GPR20: variants seen among roughly 807,000 people sequenced by gnomAD.
GPR20 encodes the protein CTD-3064M3.3.
For synonymous variants in GPR20, 241 were observed against 241.9 expected, an observed-to-expected ratio of 1.00 and a Z score of 0.04; for missense variants, 494 against 527.4, an observed-to-expected ratio of 0.94 and a Z score of 0.62.
Position 141,357,840 on chromosome 8 carries a change from G to C in GPR20, c.84C>G (p.Ser28Arg). 2.5e-6 allele frequency: 4 copies of C among 1,612,860 alleles called. No homozygotes were observed. Among genetic ancestry groups the C allele is most frequent in the Non-Finnish European group, 3.4e-6 (4 of 1,179,728 alleles). The change falls in exon 2 of 2, where the codon AGC becomes AGG. Residue 28 changes from serine (S) to arginine (R), a missense_variant. Transcript: ENST00000377741. Reference sequence around the variant, plus strand: ...GGTGGAACAGGGGCACCTCCAGCCCGCTGGCATTGGTCCGCACTGTTGTCA... The same window carrying C: ...GGTGGAACAGGGGCACCTCCAGCCCCCTGGCATTGGTCCGCACTGTTGTCA... ...TAVTTVRTNA[S>R]GLEVPLFHLF...
chr8:141,356,850 A>T lies in GPR20; in HGVS notation c.1074T>A (p.Ala358=), dbSNP rs1350498102. The T allele has an allele frequency of 6.3e-7, 1 of 1,584,816 alleles. No individual in the cohort carries two copies. Among genetic ancestry groups the T allele is most frequent in the South Asian group, 1.1e-5 (1 of 89,000 alleles). ...GCCCCTGGCAGAGCCCTGCTGACTAAGCCTCGGGCCCATTAGCCAGGGCCT... is the reference window on the plus strand; with the variant it reads ...GCCCCTGGCAGAGCCCTGCTGACTATGCCTCGGGCCCATTAGCCAGGGCCT... The part of the protein sequence containing the change: ...LTQALANGPE[A] The change falls in exon 2 of 2, where the codon GCT becomes GCA. Residue 358 remains alanine, a synonymous_variant. Transcript: ENST00000377741.
chr8:141,361,514 A>G (rs1831733627), intron 1 of GPR20, among the ~76,000 whole-genome samples: 1 of 152,170 alleles, frequency 6.6e-6, no homozygotes, highest in Non-Finnish European at 1.5e-5. Flanking sequence ...AGGGGCTCAG[A>G]CACAGGAAGT....
At position 141,356,993 on chromosome 8, in the gene GPR20, G is replaced by T; in HGVS notation, c.931C>A (p.Leu311Ile). Residue 311 changes from leucine to isoleucine, a missense_variant, in exon 2 of 2, where the codon CTC (leucine) becomes ATC (isoleucine). Leu to Ile is a conservative substitution (Grantham distance 5, BLOSUM62 2). Transcript: ENST00000377741. ...TCACGCTCTCCGTGCTGGCCGAAGA[G>T]GCCTCGGACGGTGGCCTGGAAGCCA... ...TSGFQATVRGLFGQHGEREPS... is the reference protein window; with the variant it reads ...TSGFQATVRGIFGQHGEREPS... 2 of 1,613,140 alleles carry T rather than the reference G, an allele frequency of 1.2e-6. No homozygotes were observed. Among genetic ancestry groups the T allele is most frequent in the Non-Finnish European group, 1.7e-6 (2 of 1,179,924 alleles).
rs369513704 is a variant in GPR20, at chr8:141,357,906, T to C, written c.18A>G (p.Pro6=). The stretch of plus-strand genomic sequence containing the variant: ...GGACTGCCCCGGCCGAGGGCCCCGC[T>C]GGAGACACAGAGGGCATGACGGCAG... MPSVS[P]AGPSAGAVPN... is the part of the protein sequence containing the mutation. The change falls in exon 2 of 2, where the codon CCA becomes CCG. Residue 6 remains proline, a synonymous_variant. Transcript: ENST00000377741. The C allele has an allele frequency of 1.3e-6, 2 of 1,568,224 alleles. No individual in the cohort carries two copies. Among genetic ancestry groups the C allele is most frequent in the Non-Finnish European group, 1.7e-6 (2 of 1,154,014 alleles).
intron 1 of GPR20, among the ~76,000 whole-genome samples, chr8:141,362,179 A>G (rs1021684241): frequency 2.6e-5 from 4 of 152,176 alleles, no homozygotes; most frequent in African/African-American, 4.8e-5. Context: ...CCCAACCCCA[A>G]GCTGTTCCTG....
rs375656717 is a variant in GPR20 at position 141,357,226 on chromosome 8, C to T, written c.698G>A (p.Arg233His). The change falls in exon 2 of 2, where the codon CGC becomes CAC. Residue 233 changes from arginine (R) to histidine (H), a missense_variant. Coordinates refer to ENST00000377741, the MANE Select transcript of GPR20 (RefSeq NM_005293.3). ...CTGCATGGCCCGCACGCGGCGCTGG[C>T]GACCCTGGTGGAGCAGACCCGGCCG... is the stretch of plus-strand genomic sequence containing the variant. Reference protein sequence around the residue: ...LSRPGLLHQGRQRRVRAMQLL... With the variant: ...LSRPGLLHQGHQRRVRAMQLL... The T allele has an allele frequency of 4.2e-5, 66 of 1,557,782 alleles. No individual in the cohort carries two copies. The African/African-American group carries it at 7.9e-4, about 19-fold the overall frequency.
intron 1 of GPR20, among the ~76,000 whole-genome samples, chr8:141,363,006 G>A (rs1018555146): frequency 4.6e-5 from 7 of 151,948 alleles, no homozygotes; most frequent in African/African-American, 1.7e-4. Flanking sequence ...GCCCACCTTG[G>A]CCTCCCAAAC....
At chr8:141,365,349 C>T (rs1005432406) in intron 1 of GPR20, among the ~76,000 whole-genome samples, 4 of 152,216 alleles carry the variant, frequency 2.6e-5, no homozygotes, top group Non-Finnish European at 4.4e-5. Context: ...GTCATGTGTC[C>T]GGGCTCACCC....
At chr8:141,360,259 T>C (rs559033163) in intron 1 of GPR20, among the ~76,000 whole-genome samples, 2 of 152,324 alleles carry the variant, frequency 1.3e-5, no homozygotes, top group South Asian at 4.1e-4. Context: ...CAAACAAAGC[T>C]GAACCCTCAT....
chr8:141,359,525 A>AC (rs940124620), intron 1 of GPR20, among the ~76,000 whole-genome samples: 2 of 151,590 alleles, frequency 1.3e-5, no homozygotes, highest in African/African-American at 4.9e-5. Context: ...CCCTCCTGCC[A>AC]CCCCCACCAC....
At chr8:141,365,128 C>T (rs1215327315) in intron 1 of GPR20, among the ~76,000 whole-genome samples, 1 of 152,218 alleles carries the variant, frequency 6.6e-6, no homozygotes, top group Non-Finnish European at 1.5e-5. Flanking sequence ...CGGGCACCCA[C>T]AGTCATTGTT....
rs370701227 is a variant in GPR20, at chr8:141,356,979, G to A, written c.945C>T (p.His315=). ...CACCGCTGCTGGGCTCACGCTCTCCGTGCTGGCCGAAGAGGCCTCGGACGG... is the reference window on the plus strand; with the variant it reads ...CACCGCTGCTGGGCTCACGCTCTCCATGCTGGCCGAAGAGGCCTCGGACGG... The part of the protein sequence containing the change: ...QATVRGLFGQ[H]GEREPSSGDV... The change falls in exon 2 of 2, where the codon CAC becomes CAT. Residue 315 remains histidine, a synonymous_variant. Coordinates refer to ENST00000377741, the MANE Select transcript of GPR20 (RefSeq NM_005293.3). 51 of 1,613,052 alleles carry A rather than the reference G, an allele frequency of 3.2e-5. No homozygotes were observed. The highest frequency in any genetic ancestry group is 6.7e-5 in the African/African-American group (5 of 74,960).
Position 141,356,958 on chromosome 8 carries a change from GCTGCTGGGCT to G in GPR20, c.956_965del (p.Glu319AlafsTer91), listed in dbSNP as rs772485332. 4 of 1,612,898 alleles carry G rather than the reference GCTGCTGGGCT, an allele frequency of 2.5e-6. No homozygotes were observed. Among genetic ancestry groups the G allele is most frequent in the Non-Finnish European group, 3.4e-6 (4 of 1,179,972 alleles). On this transcript the variant is annotated frameshift_variant, in exon 2 of 2. Coordinates refer to ENST00000377741, the MANE Select transcript of GPR20 (RefSeq NM_005293.3). LOFTEE classifies it low-confidence loss of function (END_TRUNC). ...TCCTGTGCATGCTGACCACGTCACCGCTGCTGGGCTCACGCTCTCCGTGCTGGCCGAAGAG... is the reference window on the plus strand; with the variant it reads ...TCCTGTGCATGCTGACCACGTCACCGCACGCTCTCCGTGCTGGCCGAAGAG...
rs922679519 is a variant in GPR20 at position 141,356,503 on chromosome 8, A to G, written c.*344T>C. Reference sequence around the variant, plus strand: ...TTTTTCTTTTTCATCTCATCCTTCTAATCAATGGAATCCACTGTGCCCTTT... The same window carrying G: ...TTTTTCTTTTTCATCTCATCCTTCTGATCAATGGAATCCACTGTGCCCTTT... On this transcript the variant is annotated 3_prime_UTR_variant, in exon 2 of 2. Transcript: ENST00000377741. The G allele has an allele frequency of 5.4e-5, 18 of 334,446 alleles. No homozygotes were observed. In the East Asian group the frequency reaches 8.3e-4, roughly 15 times the overall value. The allele number at this position is 334,446 out of a possible 1,614,324, so 20.7% of individuals were successfully genotyped here. A position where few individuals can be genotyped will look rare whatever the true frequency, so the allele number is the denominator to read the frequency against.
chr8:141,362,632 A>T (rs750014772), intron 1 of GPR20, among the ~76,000 whole-genome samples: 1 of 151,702 alleles, frequency 6.6e-6, no homozygotes, highest in African/African-American at 2.4e-5. Flanking sequence ...ATTGGCTTCC[A>T]CCCCCAGCCC....
Position 141,356,866 on chromosome 8 carries a change from G to T in GPR20, c.1058C>A (p.Ala353Asp), listed in dbSNP as rs753147738. Residue 353 changes from alanine to aspartate, a missense_variant, in exon 2 of 2, where the codon GCT (alanine) becomes GAT (aspartate). Ala to Asp is a moderately radical substitution (Grantham distance 126). Transcript: ENST00000377741. ...TGCTGACTAAGCCTCGGGCCCATTA[G>T]CCAGGGCCTGGGTGAGGGCGTGAGG... is the stretch of plus-strand genomic sequence containing the variant. ...AGPHALTQALANGPEA is the reference protein window; with the variant it reads ...AGPHALTQALDNGPEA 1 of 1,599,464 alleles carries T rather than the reference G, an allele frequency of 6.3e-7. No homozygotes were observed. Among genetic ancestry groups the T allele is most frequent in the Non-Finnish European group, 8.5e-7 (1 of 1,170,456 alleles).
intron 1 of GPR20, among the ~76,000 whole-genome samples, chr8:141,366,045 C>G (rs78731019): frequency 6.6e-6 from 1 of 152,192 alleles, no homozygotes; most frequent in Non-Finnish European, 1.5e-5. Context: ...TCTCCTTGAG[C>G]CTCAGTTTCC....
At chr8:141,358,373 T>A (rs1325844566) in intron 1 of GPR20, among the ~76,000 whole-genome samples, 1 of 152,220 alleles carries the variant, frequency 6.6e-6, no homozygotes, top group East Asian at 1.9e-4. Flanking sequence ...CTGACTAGTG[T>A]GCTTGCTCGG....
At position 141,357,157 on chromosome 8, in the gene GPR20, G is replaced by C. The variant is rs750375389; in HGVS notation, c.767C>G (p.Pro256Arg). ...VLIIFLVCFTPFHARQVAVAL... is the reference protein window; with the variant it reads ...VLIIFLVCFTRFHARQVAVAL... ...CACGGCCACTTGGCGGGCGTGGAAG[G>C]GCGTGAAGCAGACGAGAAAGATGAT... Residue 256 changes from proline to arginine, a missense_variant, in exon 2 of 2, where the codon CCC (proline) becomes CGC (arginine). By Grantham distance (103) the Pro-to-Arg change is moderately radical. Coordinates refer to ENST00000377741, the MANE Select transcript of GPR20 (RefSeq NM_005293.3). 5.0e-6 allele frequency: 8 copies of C among 1,608,998 alleles called. No individual in the cohort carries two copies. The highest frequency in any genetic ancestry group is 6.8e-6 in the Non-Finnish European group (8 of 1,179,526).
Sources: allele counts gnomAD v4.1 joint callset (sites outside exome capture counted in the v4.1 genomes callset), GRCh38; gene constraint gnomAD v4.1.1; transcripts MANE v1.5; gene names NCBI Gene and HGNC (gene_info 2026-07-23, HGNC 2026-07-21).